CSMD2: variants seen among roughly 807,000 people sequenced by gnomAD.
CSMD2 encodes the protein CUB and sushi domain-containing protein 2.
CSMD2 carries 130 observed loss-of-function variants against 398.5 expected under a neutral mutation model. The ratio of observed to expected loss-of-function variants is 0.33; its 90% CI spans 0.28 to 0.38. The LOEUF (loss-of-function observed/expected upper bound fraction) is 0.38, where lower values mean the gene tolerates loss of function less well. Ranked by LOEUF, CSMD2 falls within the 10% of genes least tolerant of loss-of-function variation. The pLI is 1.00. For missense variants in CSMD2, 3,829 were observed against 4,764.9 expected, an observed-to-expected ratio of 0.80 and a Z score of 5.78; for synonymous variants, 1,828 against 1,908.5, an observed-to-expected ratio of 0.96 and a Z score of 1.10.
At chr1:33,524,849 C>T in intron 66 of CSMD2, 33 bp downstream of exon 66, 1 of 1,608,802 alleles carries the variant, frequency 6.2e-7, no homozygotes, top group East Asian at 2.2e-5. Flanking sequence ...CCCATCCATC[C>T]TCCCGGCTTT....
rs114829038 is a variant in CSMD2 at position 33,551,904 on chromosome 1, C to T, written c.8744-1554G>A. 2.6e-3 allele frequency among the ~76,000 whole-genome samples: 401 copies of T among 152,178 alleles called. 3 individuals carry two copies. Among genetic ancestry groups the T allele is most frequent in the African/African-American group, 9.0e-3 (373 of 41,508 alleles). On this transcript the variant is annotated intron_variant, in intron 55 of 70. Transcript: ENST00000373381. ...ATGTAAGGAAGTTTGGCAGAGACTA[C>T]GGAATGACAAGAACTCATATGAGGG...
intron 6 of CSMD2, among the ~76,000 whole-genome samples, chr1:33,840,477 G>A (rs142963201): frequency 2.0e-4 from 31 of 152,190 alleles, no homozygotes; most frequent in Non-Finnish European, 4.0e-4. Flanking sequence ...AAACCCCAAC[G>A]CACTGCAAAA....
chr1:33,998,003 T>C (rs896095131), intron 3 of CSMD2, among the ~76,000 whole-genome samples: 1 of 152,212 alleles, frequency 6.6e-6, no homozygotes, highest in Non-Finnish European at 1.5e-5. Flanking sequence ...TTGTTGCCTT[T>C]ACAATTCATG....
chr1:33,709,336 C>G, intron 21 of CSMD2, 78 bp from the exon 22 acceptor site: 1 of 1,309,822 alleles, frequency 7.6e-7, no homozygotes, highest in Non-Finnish European at 1.1e-6. Flanking sequence ...TCTGAAGAAC[C>G]TGACAAAGAT....
At position 33,693,073 on chromosome 1, in the gene CSMD2, A is replaced by C. The variant is rs374618067; in HGVS notation, c.3926-17T>G. ...CACACTCGGCTGAAAGAAATCCCAAAAGAGTGAGCTTCATGGGGTGGCCTG... is the reference window on the plus strand; with the variant it reads ...CACACTCGGCTGAAAGAAATCCCAACAGAGTGAGCTTCATGGGGTGGCCTG... On this transcript the variant is annotated splice_polypyrimidine_tract_variant and intron_variant, in intron 24 of 70. Transcript: ENST00000373381. 1 of 1,582,546 alleles carries C rather than the reference A, an allele frequency of 6.3e-7. No individual in the cohort carries two copies. The highest frequency in any genetic ancestry group is 1.9e-5 in the Admixed American group (1 of 53,346).
intron 12 of CSMD2, among the ~76,000 whole-genome samples, chr1:33,780,327 T>C (rs1394526508): frequency 6.6e-6 from 1 of 152,084 alleles, no homozygotes; most frequent in Non-Finnish European, 1.5e-5. Context: ...CCACTCTGCT[T>C]TTCTACTTCT....
At chr1:33,603,071 T>C (rs1464161206) in intron 42 of CSMD2, among the ~76,000 whole-genome samples, 2 of 152,094 alleles carry the variant, frequency 1.3e-5, no homozygotes, top group Non-Finnish European at 2.9e-5. Context: ...CAGATAGTCT[T>C]AGATAAGTAG....
chr1:33,944,364 G>A (rs1644777449), intron 3 of CSMD2, among the ~76,000 whole-genome samples: 1 of 152,128 alleles, frequency 6.6e-6, no homozygotes, highest in Non-Finnish European at 1.5e-5. Flanking sequence ...AGCAGGTACT[G>A]GAAGAGACAG....
intron 2 of CSMD2, among the ~76,000 whole-genome samples, chr1:34,058,486 A>G (rs1654107886): frequency 6.6e-6 from 1 of 152,154 alleles, no homozygotes; most frequent in Admixed American, 6.5e-5. Flanking sequence ...CCCCAAGGAG[A>G]GGGAAGTTGT....
intron 5 of CSMD2, among the ~76,000 whole-genome samples, chr1:33,874,641 C>A (rs1034730118): frequency 2.3e-4 from 35 of 152,236 alleles, no homozygotes; most frequent in Middle Eastern, 3.4e-3. Context: ...TGGATCTATC[C>A]CTGGGTGTCT....
intron 2 of CSMD2, among the ~76,000 whole-genome samples, chr1:34,034,202 T>C (rs1388346073): frequency 6.6e-6 from 1 of 152,180 alleles, no homozygotes; most frequent in African/African-American, 2.4e-5. Flanking sequence ...CTATTTGCCC[T>C]GTCAGTCTTC....
chr1:33,725,901 C>CT (rs538623621), intron 16 of CSMD2, among the ~76,000 whole-genome samples: 28 of 151,240 alleles, frequency 1.9e-4, no homozygotes, highest in Non-Finnish European at 3.5e-4. Context: ...GCTAAGGATG[C>CT]TTTTTACATT....
intron 1 of CSMD2, among the ~76,000 whole-genome samples, chr1:34,129,421 G>C (rs1315580228): frequency 6.6e-6 from 1 of 152,194 alleles, no homozygotes; most frequent in Non-Finnish European, 1.5e-5. Context: ...GGAGGCTGAG[G>C]CAGGCAGATC....
Position 33,700,479 on chromosome 1 carries a change from C to T in CSMD2, c.3733+38G>A, listed in dbSNP as rs763408677. The T allele has an allele frequency of 8.7e-6, 14 of 1,605,572 alleles. No individual in the cohort carries two copies. The Admixed American group carries it at 1.0e-4, about 12-fold the overall frequency. On this transcript the variant is annotated intron_variant, in intron 23 of 70. Coordinates refer to ENST00000373381, the MANE Select transcript of CSMD2 (RefSeq NM_001281956.2). Reference sequence around the variant, plus strand: ...AAATAAATGAATAAAATGGGAAACCCTGACTTCCTTGTCCACACAGATGCA... The same window carrying T: ...AAATAAATGAATAAAATGGGAAACCTTGACTTCCTTGTCCACACAGATGCA...
intron 12 of CSMD2, among the ~76,000 whole-genome samples, chr1:33,784,198 A>C (rs972090023): frequency 3.9e-5 from 6 of 152,236 alleles, no homozygotes; most frequent in Admixed American, 1.3e-4. Flanking sequence ...AGAGGACTGA[A>C]GGCTGAGGAT....
chr1:34,060,481 G>C (rs1162887763), intron 2 of CSMD2, among the ~76,000 whole-genome samples: 2 of 152,166 alleles, frequency 1.3e-5, no homozygotes, highest in Admixed American at 1.3e-4. Context: ...AGGGCCCCTG[G>C]GGGAGGACAG....
At position 33,519,503 on chromosome 1, in the gene CSMD2, G is replaced by C. The variant is rs529700677; in HGVS notation, c.*15C>G. ...CGGGGCTCTCGGTGGCGGTGGTGGC[G>C]GCCAGGCCGGGTGGCTATACTGCTG... On this transcript the variant is annotated 3_prime_UTR_variant, in exon 70 of 71. Transcript: ENST00000373381. The surrounding 1 kb of genome is among the most constrained non-coding windows in gnomAD (Gnocchi z 5.6). The C allele has an allele frequency of 6.3e-7, 1 of 1,595,078 alleles. No individual in the cohort carries two copies. Among genetic ancestry groups the C allele is most frequent in the Non-Finnish European group, 8.5e-7 (1 of 1,170,334 alleles).
chr1:33,902,794 C>T (rs1642842758), intron 5 of CSMD2, among the ~76,000 whole-genome samples: 1 of 152,168 alleles, frequency 6.6e-6, no homozygotes, highest in African/African-American at 2.4e-5. Flanking sequence ...CTGGCGGTCC[C>T]CAAGTTCACT....
rs1641814072 is a variant in CSMD2 at position 33,622,164 on chromosome 1, C to T, written c.5827+3G>A. ...TGTACCAGCCAAGACCCTGGATTCT[C>T]ACTTTTGTACTCCAAGTGGAAGCCA... On this transcript the variant is annotated splice_donor_region_variant and intron_variant, in intron 37 of 70. Coordinates refer to ENST00000373381, the MANE Select transcript of CSMD2 (RefSeq NM_001281956.2). 6.2e-7 allele frequency: 1 copy of T among 1,608,614 alleles called. No individual in the cohort carries two copies. Among genetic ancestry groups the T allele is most frequent in the Non-Finnish European group, 8.5e-7 (1 of 1,175,126 alleles).
Sources: gnomAD v4.1 joint callset for allele counts (sites outside exome capture counted in the v4.1 genomes callset) on GRCh38, gnomAD v4.1.1 for gene constraint, Gnocchi (gnomAD v3.1) non-coding constraint, MANE v1.5 for transcripts, NCBI Gene and HGNC (gene_info 2026-07-23, HGNC 2026-07-21) for gene names.